Variants in APPBP2 observed in about 807,000 individuals in gnomAD.
APPBP2 encodes amyloid protein-binding protein 2.
A neutral mutation model predicts 76.0 loss-of-function variants in APPBP2; 15 were observed. The observed-to-expected ratio is 0.20, with a 90% confidence interval of 0.13 to 0.30. The LOEUF is 0.30. APPBP2 is among the 10% of genes least tolerant of loss of function. The pLI is 1.00. For missense variants in APPBP2, 401 were observed against 687.2 expected, an observed-to-expected ratio of 0.58 and a Z score of 4.66; for synonymous variants, 222 against 242.2, an observed-to-expected ratio of 0.92 and a Z score of 0.77.
At chr17:60,489,004 C>T (rs1192644898) in intron 3 of APPBP2, among the ~76,000 whole-genome samples, 1 of 150,976 alleles carries the variant, frequency 6.6e-6, no homozygotes, top group East Asian at 2.0e-4. Context: ...GGGTGGATCA[C>T]GAAGTCATGA....
At chr17:60,525,199 A>C (rs2091042077) in intron 1 of APPBP2, among the ~76,000 whole-genome samples, 1 of 152,244 alleles carries the variant, frequency 6.6e-6, no homozygotes, top group South Asian at 2.1e-4. Flanking sequence ...TAATTCAAGT[A>C]TAGAGCCCCT....
At chr17:60,450,028 C>G (rs2090381039) in intron 12 of APPBP2, among the ~76,000 whole-genome samples, 1 of 151,962 alleles carries the variant, frequency 6.6e-6, no homozygotes, top group African/African-American at 2.4e-5. Flanking sequence ...GACTCCTGAC[C>G]TCAAGTGATC....
In APPBP2 at chr17:60,471,356, T is replaced by C. The variant is rs78038106; in HGVS notation, c.504-4897A>G. 2.2e-4 allele frequency among the ~76,000 whole-genome samples: 33 copies of C among 152,324 alleles called. 1 individual carries two copies. In the East Asian group the frequency reaches 6.2e-3, roughly 28 times the overall value. ...CTAAAGCTTCCAGTACAATGTTGAATACCACTAGTGAAAGCAGGCAACTAT... is the reference window on the plus strand; with the variant it reads ...CTAAAGCTTCCAGTACAATGTTGAACACCACTAGTGAAAGCAGGCAACTAT... On this transcript the variant is annotated intron_variant, in intron 4 of 12. Coordinates refer to ENST00000083182, the MANE Select transcript of APPBP2 (RefSeq NM_006380.5).
At chr17:60,488,013 G>A (rs2090694766) in intron 3 of APPBP2, among the ~76,000 whole-genome samples, 1 of 152,238 alleles carries the variant, frequency 6.6e-6, no homozygotes, top group Non-Finnish European at 1.5e-5. Flanking sequence ...ACTTGCTGGG[G>A]TATCACCAGC....
At position 60,447,397 on chromosome 17, in the gene APPBP2, A is replaced by T; in HGVS notation, c.*184T>A. The T allele has an allele frequency of 1.7e-6, 1 of 579,898 alleles. No individual in the cohort carries two copies. Among genetic ancestry groups the T allele is most frequent in the Non-Finnish European group, 2.9e-6 (1 of 343,584 alleles). The allele number at this position is 579,898 out of a possible 1,614,324, so 35.9% of individuals were successfully genotyped here. A position where few individuals can be genotyped will look rare whatever the true frequency, so the allele number is the denominator to read the frequency against. ...TACACATGCGGTACATGCTGAATAT[A>T]ACTGAATATATGCTTATTCCTACAG... On this transcript the variant is annotated 3_prime_UTR_variant, in exon 13 of 13. Transcript: ENST00000083182.
intron 12 of APPBP2, among the ~76,000 whole-genome samples, chr17:60,450,871 T>A (rs73326412): frequency 6.6e-6 from 1 of 152,200 alleles, no homozygotes; most frequent in Non-Finnish European, 1.5e-5. Context: ...ATGATATCTA[T>A]GACACATGTA....
At chr17:60,468,704 AG>A (rs1176605437) in intron 4 of APPBP2, among the ~76,000 whole-genome samples, 1 of 152,234 alleles carries the variant, frequency 6.6e-6, no homozygotes, top group Non-Finnish European at 1.5e-5. Context: ...ATTGAATCCA[AG>A]GAACTTGTGG....
At chr17:60,510,309 G>A (rs1348762283) in intron 1 of APPBP2, among the ~76,000 whole-genome samples, 1 of 152,094 alleles carries the variant, frequency 6.6e-6, no homozygotes, top group Non-Finnish European at 1.5e-5. Flanking sequence ...TGGCTGAGGT[G>A]GAAGGATCAC....
intron 9 of APPBP2, among the ~76,000 whole-genome samples, chr17:60,458,303 G>A (rs747302036): frequency 5.3e-5 from 8 of 151,982 alleles, no homozygotes; most frequent in Admixed American, 2.0e-4. Flanking sequence ...GTGTGGTGGC[G>A]TGTGCCTGTA....
chr17:60,492,396 G>A (rs2090737108), intron 3 of APPBP2, among the ~76,000 whole-genome samples: 1 of 152,172 alleles, frequency 6.6e-6, no homozygotes, highest in African/African-American at 2.4e-5. Context: ...CCACAGAATG[G>A]CAGATCCACT....
intron 10 of APPBP2, among the ~76,000 whole-genome samples, chr17:60,455,566 G>A (rs1266687181): frequency 1.3e-5 from 2 of 152,180 alleles, no homozygotes; most frequent in African/African-American, 2.4e-5. Flanking sequence ...ATGGAAGATA[G>A]GGGTATTTTG....
At chr17:60,490,758 T>A (rs2090722156) in intron 3 of APPBP2, among the ~76,000 whole-genome samples, 1 of 152,140 alleles carries the variant, frequency 6.6e-6, no homozygotes, top group South Asian at 2.1e-4. Context: ...GTTCTTGTGG[T>A]AGTAAGTCTC....
At chr17:60,474,782 A>C (rs2143364191) in intron 4 of APPBP2, among the ~76,000 whole-genome samples, 1 of 152,166 alleles carries the variant, frequency 6.6e-6, no homozygotes, top group African/African-American at 2.4e-5. Flanking sequence ...ACAAATTCTC[A>C]ATTTGTTCTT....
intron 5 of APPBP2, among the ~76,000 whole-genome samples, chr17:60,465,479 A>T (rs186906252): frequency 3.3e-5 from 5 of 152,326 alleles, no homozygotes; most frequent in African/African-American, 1.2e-4. Flanking sequence ...AACTGTCAAA[A>T]TTATCCAAGA....
chr17:60,526,212 C>T lies in APPBP2; in HGVS notation c.-281G>A, dbSNP rs980936682. 4.2e-5 allele frequency: 18 copies of T among 430,226 alleles called. 1 individual carries two copies. The Admixed American group carries it at 5.2e-4, about 12-fold the overall frequency. The allele number at this position is 430,226 out of a possible 1,614,324, so 26.7% of individuals were successfully genotyped here. A position where few individuals can be genotyped will look rare whatever the true frequency, so the allele number is the denominator to read the frequency against. On this transcript the variant is annotated 5_prime_UTR_variant, in exon 1 of 13. Transcript: ENST00000083182. ...GAGGAACCCGGGTTCCGTCCCAGCG[C>T]TGATCTCTGCAGGGGCGGGGCTGCG... is the stretch of plus-strand genomic sequence containing the variant.
chr17:60,511,082 T>C (rs760788940), intron 1 of APPBP2, among the ~76,000 whole-genome samples: 5 of 152,190 alleles, frequency 3.3e-5, no homozygotes, highest in African/African-American at 4.8e-5. Context: ...TAGGAGATGT[T>C]ACCACAGCAC....
At chr17:60,491,387 G>A (rs2090727827) in intron 3 of APPBP2, among the ~76,000 whole-genome samples, 1 of 152,140 alleles carries the variant, frequency 6.6e-6, no homozygotes, top group Non-Finnish European at 1.5e-5. Context: ...GGTGACTGGA[G>A]TGCTGTTAAA....
intron 9 of APPBP2, among the ~76,000 whole-genome samples, chr17:60,458,817 C>T (rs1446026670): frequency 6.6e-6 from 1 of 151,496 alleles, no homozygotes; most frequent in Non-Finnish European, 1.5e-5. Flanking sequence ...GTTCTGTCGC[C>T]ACGCTGGAGT....
Position 60,474,274 on chromosome 17 carries a change from G to A in APPBP2, c.503+4874C>T, listed in dbSNP as rs544392563. ...CAACCTCCACCTCCCAGGTTCAAGCGATTCTCCTCCCTCAGCCTCCCGAAG... is the reference window on the plus strand; with the variant it reads ...CAACCTCCACCTCCCAGGTTCAAGCAATTCTCCTCCCTCAGCCTCCCGAAG... On this transcript the variant is annotated intron_variant, in intron 4 of 12. Transcript: ENST00000083182. 5.3e-5 allele frequency among the ~76,000 whole-genome samples: 8 copies of A among 151,526 alleles called. No individual in the cohort carries two copies. In the South Asian group the frequency reaches 1.0e-3, roughly 20 times the overall value.
Sources: allele counts gnomAD v4.1 joint callset (sites outside exome capture counted in the v4.1 genomes callset), GRCh38; gene constraint gnomAD v4.1.1; transcripts MANE v1.5; gene names NCBI Gene and HGNC (gene_info 2026-07-23, HGNC 2026-07-21).